GNAO1: variants seen among roughly 807,000 people sequenced by gnomAD.
GNAO1 encodes G protein subunit alpha o1.
For synonymous variants in GNAO1, 164 were observed against 180.7 expected (o/e 0.91, Z 0.74); for missense variants, 166 against 478.7 (o/e 0.35, Z 6.10).
At chr16:56,192,390 C>T in intron 1 of GNAO1, 37 bp downstream of exon 1, 1 of 1,251,140 alleles carries the variant, frequency 8.0e-7, no homozygotes. Context: ...CCCCCGACCC[C>T]GGCCACTCCG....
At chr16:56,344,224 G>C in intron 6 of GNAO1, 2 of 1,380,838 alleles carry the variant, frequency 1.4e-6, no homozygotes, top group Non-Finnish European at 1.9e-6. Context: ...GCTTGATCGG[G>C]AAGCTGGGGG....
intron 2 of GNAO1, among the ~76,000 whole-genome samples, chr16:56,203,639 A>G (rs1239845449): frequency 6.6e-6 from 1 of 152,210 alleles, no homozygotes; most frequent in Non-Finnish European, 1.5e-5. Context: ...TCTCTGAAGC[A>G]GGTTCTATGG....
At chr16:56,218,046 T>C (rs2036451479) in intron 2 of GNAO1, among the ~76,000 whole-genome samples, 1 of 152,226 alleles carries the variant, frequency 6.6e-6, no homozygotes, top group African/African-American at 2.4e-5. Context: ...TTCATTTTGT[T>C]GGGCCTAGCA....
At chr16:56,312,019 C>T (rs542936857) in intron 3 of GNAO1, among the ~76,000 whole-genome samples, 125 of 152,282 alleles carry the variant, frequency 8.2e-4, no homozygotes, top group African/African-American at 2.7e-3. Flanking sequence ...TGGAGAGGTC[C>T]CAGGGGCCAG....
chr16:56,215,913 C>G (rs1176017917), intron 2 of GNAO1, among the ~76,000 whole-genome samples: 1 of 152,176 alleles, frequency 6.6e-6, no homozygotes, highest in Non-Finnish European at 1.5e-5. Context: ...TGTATACCCC[C>G]ACTCTCTTCC....
chr16:56,217,902 A>T (rs1032688550), intron 2 of GNAO1, among the ~76,000 whole-genome samples: 1 of 152,220 alleles, frequency 6.6e-6, no homozygotes, highest in Non-Finnish European at 1.5e-5. Flanking sequence ...GAGACAAAAC[A>T]TGTAAGCAAA....
At chr16:56,279,158 C>G (rs2037091678) in intron 3 of GNAO1, among the ~76,000 whole-genome samples, 1 of 152,166 alleles carries the variant, frequency 6.6e-6, no homozygotes, top group African/African-American at 2.4e-5. Context: ...GCACTCTCCA[C>G]ACAGAAAAGC....
chr16:56,211,135 G>C (rs1424544914), intron 2 of GNAO1, among the ~76,000 whole-genome samples: 1 of 152,156 alleles, frequency 6.6e-6, no homozygotes, highest in Non-Finnish European at 1.5e-5. Flanking sequence ...GAAGGGTTAG[G>C]GAAAGCCAGG....
At chr16:56,236,709 G>A (rs2036640440) in intron 2 of GNAO1, among the ~76,000 whole-genome samples, 1 of 152,120 alleles carries the variant, frequency 6.6e-6, no homozygotes, top group Non-Finnish European at 1.5e-5. Context: ...TTACACCAGC[G>A]CTTTGTTTCC....
At chr16:56,332,216 C>G (rs1409370981) in intron 4 of GNAO1, among the ~76,000 whole-genome samples, 1 of 152,204 alleles carries the variant, frequency 6.6e-6, no homozygotes, top group Admixed American at 6.5e-5. Context: ...AGCAAAAGCT[C>G]AAGCCCTGAC....
At chr16:56,259,562 G>T (rs191198975) in intron 2 of GNAO1, among the ~76,000 whole-genome samples, 9 of 152,334 alleles carry the variant, frequency 5.9e-5, no homozygotes, top group Admixed American at 1.3e-4. Context: ...TGACTGTGAT[G>T]GTGATCCCGA....
At chr16:56,223,034 G>T (rs1400609174) in intron 2 of GNAO1, among the ~76,000 whole-genome samples, 2 of 152,148 alleles carry the variant, frequency 1.3e-5, no homozygotes, top group African/African-American at 4.8e-5. Context: ...TATTGTGGCT[G>T]TTTCAATTGG....
chr16:56,335,679 G>C (rs1172394564), intron 5 of GNAO1, among the ~76,000 whole-genome samples: 6 of 152,214 alleles, frequency 3.9e-5, no homozygotes, highest in Admixed American at 3.3e-4. Flanking sequence ...GAGCAGCCCT[G>C]AGGGGCCTCT....
intron 2 of GNAO1, among the ~76,000 whole-genome samples, chr16:56,230,611 G>T (rs1316754143): frequency 6.6e-6 from 1 of 152,102 alleles, no homozygotes; most frequent in Non-Finnish European, 1.5e-5. Context: ...GGACCACTGA[G>T]ACTCAGCCCA....
intron 2 of GNAO1, chr16:56,194,359 C>T: frequency 2.3e-6 from 1 of 436,494 alleles, no homozygotes; most frequent in Non-Finnish European, 4.7e-6. Flanking sequence ...GCAAGCCGCG[C>T]CACCCCTTTC....
rs545358414 is a variant in GNAO1, at chr16:56,317,707, G to T, written c.304-10924G>T. On this transcript the variant is annotated intron_variant, in intron 3 of 8. Transcript: ENST00000262493. ...GTATCCTGGGTAGGTGGTGCAGGAT[G>T]TGTGGCTGGCTGGCTGGAGAAGGGA... Among the ~76,000 whole-genome samples, 10 of 152,288 alleles carry T rather than the reference G, an allele frequency of 6.6e-5. No individual in the cohort carries two copies. The South Asian group carries it at 1.9e-3, about 28-fold the overall frequency.
intron 2 of GNAO1, among the ~76,000 whole-genome samples, chr16:56,218,626 C>T (rs1223450689): frequency 2.0e-5 from 3 of 152,164 alleles, no homozygotes; most frequent in African/African-American, 4.8e-5. Flanking sequence ...TGGTGTGACC[C>T]TGCCTGCCCC....
At chr16:56,284,710 G>T (rs1329642231) in intron 3 of GNAO1, among the ~76,000 whole-genome samples, 1 of 152,176 alleles carries the variant, frequency 6.6e-6, no homozygotes, top group African/African-American at 2.4e-5. Context: ...GGTCAGTCTT[G>T]TTCATCATGC....
Position 56,309,962 on chromosome 16 carries a change from A to G in GNAO1, c.304-18669A>G, listed in dbSNP as rs545817552. ...ATATTAAATACATCCTTTCCCAGACATTGTTGGTACTAAATTTCCTTTTGC... is the reference window on the plus strand; with the variant it reads ...ATATTAAATACATCCTTTCCCAGACGTTGTTGGTACTAAATTTCCTTTTGC... On this transcript the variant is annotated intron_variant, in intron 3 of 8. Coordinates refer to ENST00000262493, the MANE Select transcript of GNAO1 (RefSeq NM_020988.3). Among the ~76,000 whole-genome samples, 98 of 152,364 alleles carry G rather than the reference A, an allele frequency of 6.4e-4. 2 individuals carry two copies. The highest frequency in any genetic ancestry group is 5.2e-3 in the South Asian group (25 of 4,828).
Sources: gnomAD v4.1 joint callset for allele counts (sites outside exome capture counted in the v4.1 genomes callset) on GRCh38, gnomAD v4.1.1 for gene constraint, MANE v1.5 for transcripts, NCBI Gene and HGNC (gene_info 2026-07-23, HGNC 2026-07-21) for gene names.